The following DOCK2 variants were observed in gnomAD, a reference collection of about 807,000 sequenced individuals.
DOCK2 encodes the protein dedicator of cytokinesis protein 2.
In DOCK2, 87 loss-of-function variants were observed where a neutral mutation model predicts 248.9. The observed-to-expected ratio is 0.35, with a 90% confidence interval of 0.29 to 0.42. The LOEUF is 0.42. Among genes scored for constraint, DOCK2 ranks in the 10% least tolerant of loss-of-function variants. The pLI is 1.00. For synonymous variants in DOCK2, 805 were observed against 821.6 expected (o/e 0.98, Z 0.35); for missense variants, 1,747 against 2,300.2 (o/e 0.76, Z 4.92).
intron 25 of DOCK2, among the ~76,000 whole-genome samples, chr5:169,789,040 T>A (rs79994608): frequency 7.4e-4 from 112 of 152,258 alleles, no homozygotes; most frequent in South Asian, 1.7e-3. Context: ...CCCCTCTGAG[T>A]GTCCATGTGT....
Position 170,018,976 on chromosome 5 carries a change from C to T in DOCK2, c.3249C>T (p.Cys1083=). 3 of 1,613,964 alleles carry T rather than the reference C, an allele frequency of 1.9e-6. No individual in the cohort carries two copies. The highest frequency in any genetic ancestry group is 2.5e-6 in the Non-Finnish European group (3 of 1,179,898). ...MWYKLGQNKI[C]FIPGMVGPIL... ...CTCTTTCAGGTCAGAACAAAATCTG[C>T]TTCATCCCAGGCATGGTAGGACCTA... The change falls in exon 33 of 52, where the codon TGC becomes TGT. Residue 1083 remains cysteine (C), a synonymous_variant. Transcript: ENST00000520908.
intron 44 of DOCK2, among the ~76,000 whole-genome samples, chr5:170,059,027 C>T (rs376155746): frequency 6.6e-6 from 1 of 152,122 alleles, no homozygotes; most frequent in African/African-American, 2.4e-5. Flanking sequence ...TATTATTCTT[C>T]CCATTTTACA....
chr5:169,832,434 G>C (rs1364828464), intron 26 of DOCK2, among the ~76,000 whole-genome samples: 1 of 152,210 alleles, frequency 6.6e-6, no homozygotes, highest in Non-Finnish European at 1.5e-5. Flanking sequence ...GAGAAGCAGA[G>C]ATGATGGGAT....
intron 6 of DOCK2, among the ~76,000 whole-genome samples, chr5:169,675,883 T>C (rs990334419): frequency 7.2e-5 from 11 of 152,190 alleles, no homozygotes; most frequent in Admixed American, 6.5e-4. Flanking sequence ...AGGAACACAG[T>C]CCCTCTGCTG....
At chr5:169,871,859 G>C (rs1378925972) in intron 27 of DOCK2, among the ~76,000 whole-genome samples, 1 of 152,150 alleles carries the variant, frequency 6.6e-6, no homozygotes, top group South Asian at 2.1e-4. Context: ...TTTCAGGGCA[G>C]CCTTGAAAGG....
At chr5:169,880,739 A>G (rs1447587368) in intron 27 of DOCK2, among the ~76,000 whole-genome samples, 1 of 152,218 alleles carries the variant, frequency 6.6e-6, no homozygotes, top group African/African-American at 2.4e-5. Flanking sequence ...GCCCAGATTA[A>G]GTTAGCTGAT....
chr5:169,743,340 G>A (rs1763429702), intron 22 of DOCK2, among the ~76,000 whole-genome samples: 1 of 152,180 alleles, frequency 6.6e-6, no homozygotes. Context: ...AGGAGGCTGA[G>A]GCTGGAGGAT....
intron 5 of DOCK2, 40 bp from the exon 6 acceptor site, chr5:169,674,257 C>A: frequency 6.2e-7 from 1 of 1,610,344 alleles, no homozygotes. Flanking sequence ...GGTCATGCCC[C>A]TTTAACACAG....
intron 27 of DOCK2, among the ~76,000 whole-genome samples, chr5:169,901,512 C>T (rs1773923020): frequency 6.6e-6 from 1 of 151,904 alleles, no homozygotes; most frequent in Non-Finnish European, 1.5e-5. Flanking sequence ...TCTGGTTTTT[C>T]TGAGAAAATG....
intron 27 of DOCK2, among the ~76,000 whole-genome samples, chr5:169,874,744 T>C (rs1772216120): frequency 6.6e-6 from 1 of 152,120 alleles, no homozygotes; most frequent in East Asian, 1.9e-4. Flanking sequence ...GGATTGCCAA[T>C]CAGTTTCTGA....
At chr5:169,955,927 C>T (rs1352296599) in intron 27 of DOCK2, among the ~76,000 whole-genome samples, 2 of 151,932 alleles carry the variant, frequency 1.3e-5, no homozygotes, top group Non-Finnish European at 2.9e-5. Context: ...GCCAAGTGTG[C>T]TTTGGGCAAC....
chr5:169,652,153 GC>G (rs1323522194), intron 1 of DOCK2, among the ~76,000 whole-genome samples: 1 of 152,184 alleles, frequency 6.6e-6, no homozygotes, highest in African/African-American at 2.4e-5. Context: ...CAAGCAGGCT[GC>G]CCCTGGCTCC....
chr5:170,023,125 G>C (rs1561885299), intron 33 of DOCK2, among the ~76,000 whole-genome samples: 1 of 152,086 alleles, frequency 6.6e-6, no homozygotes. Context: ...TGGTTGGCTA[G>C]ATGCAGATTG....
intron 27 of DOCK2, among the ~76,000 whole-genome samples, chr5:169,904,092 A>AAC (rs1774130964): frequency 1.5e-5 from 1 of 67,964 alleles, no homozygotes; most frequent in African/African-American, 1.3e-4. Flanking sequence ...ACTTCGTCTC[A>AAC]AAAAAAAAAA....
At chr5:170,066,058 T>C (rs531273454) in intron 44 of DOCK2, among the ~76,000 whole-genome samples, 11 of 150,884 alleles carry the variant, frequency 7.3e-5, no homozygotes, top group Non-Finnish European at 1.5e-4. Context: ...CTCATGCCAT[T>C]CTCCTGTCTC....
At chr5:169,668,355 C>G (rs1295643584) in intron 2 of DOCK2, among the ~76,000 whole-genome samples, 3 of 152,296 alleles carry the variant, frequency 2.0e-5, no homozygotes, top group Non-Finnish European at 4.4e-5. Flanking sequence ...TCACGGCCCC[C>G]TGTTGCTTCA....
At chr5:170,043,475 A>C (rs1756588320) in intron 38 of DOCK2, among the ~76,000 whole-genome samples, 2 of 152,186 alleles carry the variant, frequency 1.3e-5, no homozygotes, top group Admixed American at 6.5e-5. Context: ...TCTGCAATGC[A>C]AGACCTCTTA....
At position 169,918,486 on chromosome 5, in the gene DOCK2, G is replaced by T. The variant is rs540795046; in HGVS notation, c.2800-64582G>T. ...GAACTACAGAATATTCATGCTGAGA[G>T]CATCATCTCACAGTTAAAAGACTGA... On this transcript the variant is annotated intron_variant, in intron 27 of 51. Coordinates refer to ENST00000520908, the MANE Select transcript of DOCK2 (RefSeq NM_004946.3). Among the ~76,000 whole-genome samples the T allele has an allele frequency of 5.9e-5, 9 of 152,322 alleles. No homozygotes were observed. The East Asian group carries it at 1.7e-3, about 29-fold the overall frequency.
Position 169,936,349 on chromosome 5 carries a change from A to G in DOCK2, c.2800-46719A>G, listed in dbSNP as rs148135969. On this transcript the variant is annotated intron_variant, in intron 27 of 51. Coordinates refer to ENST00000520908, the MANE Select transcript of DOCK2 (RefSeq NM_004946.3). ...TAGGGCAAAACATTTTAGGACGGTT[A>G]TTCCTCATCCTCAAACTCTGAACTT... 1.6e-3 allele frequency among the ~76,000 whole-genome samples: 237 copies of G among 152,290 alleles called. No homozygotes were observed. The Middle Eastern group carries it at 0.02, about 13-fold the overall frequency.
Sources: allele counts gnomAD v4.1 joint callset (sites outside exome capture counted in the v4.1 genomes callset), GRCh38; gene constraint gnomAD v4.1.1; transcripts MANE v1.5; gene names NCBI Gene and HGNC (gene_info 2026-07-23, HGNC 2026-07-21).